SH3D19: variants seen among roughly 807,000 people sequenced by gnomAD.
The protein encoded by SH3D19 is SH3 domain-containing protein 19.
Under a neutral mutation model 112.1 loss-of-function variants are expected in SH3D19, and 58 were observed. The observed-to-expected ratio is 0.52, with a 90% CI of 0.42 to 0.64. The LOEUF is 0.64. SH3D19 is among the 30% of genes least tolerant of loss of function. The probability of loss-of-function intolerance (pLI) is 0.00; values close to 1 mark genes in which losing one functional copy is unlikely to be tolerated. For missense variants in SH3D19, 1,090 were observed against 1,263.4 expected, an observed-to-expected ratio of 0.86 and a Z score of 2.08; for synonymous variants, 391 against 448.5, an observed-to-expected ratio of 0.87 and a Z score of 1.62.
Position 151,325,374 on chromosome 4 carries a change from C to G in SH3D19, c.-22G>C. 1 of 1,163,574 alleles carries G rather than the reference C, an allele frequency of 8.6e-7. No individual in the cohort carries two copies. The highest frequency in any genetic ancestry group is 1.1e-6 in the Non-Finnish European group (1 of 933,714). The allele number at this position is 1,163,574 out of a possible 1,614,324, so 72.1% of individuals were successfully genotyped here. On this transcript the variant is annotated 5_prime_UTR_variant, in exon 1 of 20. Coordinates refer to ENST00000604030, the MANE Select transcript of SH3D19 (RefSeq NM_001378122.1). ...CCATGGGCGAGGCGCGGGGCGCAGC[C>G]GCGGGATGGCCAGCGAGCTGCGGCC...
chr4:151,209,216 A>G (rs1765584590), intron 2 of SH3D19, among the ~76,000 whole-genome samples: 1 of 151,952 alleles, frequency 6.6e-6, no homozygotes, highest in Non-Finnish European at 1.5e-5. Flanking sequence ...AGTACTTCAC[A>G]CACTATCCCA....
At chr4:151,236,166 C>T (rs1770020488) in intron 1 of SH3D19, among the ~76,000 whole-genome samples, 1 of 152,276 alleles carries the variant, frequency 6.6e-6, no homozygotes, top group South Asian at 2.1e-4. Context: ...GCCCTTCAGC[C>T]TGCCGCTGCG....
chr4:151,288,512 C>G (rs1218324072), intron 1 of SH3D19, among the ~76,000 whole-genome samples: 1 of 152,014 alleles, frequency 6.6e-6, no homozygotes, highest in Non-Finnish European at 1.5e-5. Context: ...TTTGGGAGGC[C>G]AAGGCAGGTG....
At chr4:151,283,385 A>T in intron 1 of SH3D19, 1 of 1,032,718 alleles carries the variant, frequency 9.7e-7, no homozygotes, top group South Asian at 1.5e-5. Flanking sequence ...GAGTCAGGAG[A>T]TGAGGGTTCT....
Position 151,231,831 on chromosome 4 carries a change from T to C in SH3D19, c.113-5745A>G, listed in dbSNP as rs141621271. 1.7e-4 allele frequency among the ~76,000 whole-genome samples: 26 copies of C among 152,294 alleles called. No individual in the cohort carries two copies. In the East Asian group the frequency reaches 4.4e-3, roughly 26 times the overall value. On this transcript the variant is annotated intron_variant, in intron 1 of 19. Coordinates refer to ENST00000604030, the MANE Select transcript of SH3D19 (RefSeq NM_001378122.1). ...TTCATTAAAATTCATTAAAATGCAG[T>C]ACTCTAATTACCCAGGAAGGGAAGA...
In SH3D19 at chr4:151,144,507, C is replaced by T. The variant is rs530057473; in HGVS notation, c.2083-457G>A. ...AGTTAGGCCCATAGAACCACAAGAG[C>T]TAAACATGGCCTAACATTCCCTTAA... On this transcript the variant is annotated intron_variant, in intron 11 of 19. Transcript: ENST00000604030. 30 of 548,724 alleles carry T rather than the reference C, an allele frequency of 5.5e-5. No individual in the cohort carries two copies. The South Asian group carries it at 6.7e-4, about 12-fold the overall frequency. The allele number at this position is 548,724 out of a possible 1,614,324, so 34.0% of individuals were successfully genotyped here. A position where few individuals can be genotyped will look rare whatever the true frequency, so the allele number is the denominator to read the frequency against.
intron 12 of SH3D19, among the ~76,000 whole-genome samples, chr4:151,143,372 A>G (rs1054487313): frequency 1.3e-5 from 2 of 152,202 alleles, no homozygotes; most frequent in Non-Finnish European, 2.9e-5. Flanking sequence ...TGCCGTACCA[A>G]AACAGAGAAA....
At chr4:151,148,276 C>T in intron 10 of SH3D19, 90 bp from the exon 11 acceptor site, 1 of 638,904 alleles carries the variant, frequency 1.6e-6, no homozygotes, top group Non-Finnish European at 2.4e-6. Context: ...CACACACACA[C>T]ACACACACAC....
chr4:151,236,982 C>T (rs1178026573), intron 1 of SH3D19, among the ~76,000 whole-genome samples: 1 of 152,208 alleles, frequency 6.6e-6, no homozygotes, highest in Non-Finnish European at 1.5e-5. Flanking sequence ...GCCACCCAAG[C>T]CAGCAGCAGC....
chr4:151,231,651 G>C (rs1769617519), intron 1 of SH3D19, among the ~76,000 whole-genome samples: 1 of 152,150 alleles, frequency 6.6e-6, no homozygotes, highest in Admixed American at 6.5e-5. Context: ...AGAAATTAAA[G>C]AGGGTCTCTG....
At chr4:151,207,803 G>A (rs1175526308) in intron 2 of SH3D19, among the ~76,000 whole-genome samples, 1 of 152,212 alleles carries the variant, frequency 6.6e-6, no homozygotes, top group Non-Finnish European at 1.5e-5. Context: ...ACCCTGGCTT[G>A]AGTTGAGAGA....
intron 2 of SH3D19, among the ~76,000 whole-genome samples, chr4:151,209,963 C>G (rs1418075778): frequency 6.6e-6 from 1 of 152,148 alleles, no homozygotes; most frequent in Non-Finnish European, 1.5e-5. Context: ...AAACAATATT[C>G]TTATTGGACA....
chr4:151,152,278 C>T (rs1304079829), intron 9 of SH3D19, among the ~76,000 whole-genome samples: 5 of 152,122 alleles, frequency 3.3e-5, no homozygotes, highest in Admixed American at 1.3e-4. Context: ...ACTTCCTCCT[C>T]GTGGGTATTC....
intron 1 of SH3D19, among the ~76,000 whole-genome samples, chr4:151,239,242 C>T (rs191043251): frequency 1.3e-5 from 2 of 152,306 alleles, no homozygotes; most frequent in Admixed American, 6.5e-5. Flanking sequence ...GCTTCCACTA[C>T]GATAAGGTTC....
At chr4:151,269,992 A>G (rs1241174830) in intron 1 of SH3D19, among the ~76,000 whole-genome samples, 1 of 152,082 alleles carries the variant, frequency 6.6e-6, no homozygotes, top group Non-Finnish European at 1.5e-5. Flanking sequence ...GCTGTCATCT[A>G]CTATGATAAC....
At chr4:151,211,446 G>A (rs532701179) in intron 2 of SH3D19, among the ~76,000 whole-genome samples, 9 of 152,156 alleles carry the variant, frequency 5.9e-5, no homozygotes, top group Non-Finnish European at 1.0e-4. Context: ...TCAAGTGAAA[G>A]GAAGAATTGC....
intron 1 of SH3D19, chr4:151,277,333 C>G (rs1773730384): frequency 1.2e-6 from 1 of 847,988 alleles, no homozygotes; most frequent in Non-Finnish European, 1.6e-6. Context: ...TTATGAGTAG[C>G]ACAGCCTGAG....
At chr4:151,311,408 A>G (rs548607968) in intron 1 of SH3D19, among the ~76,000 whole-genome samples, 10 of 152,078 alleles carry the variant, frequency 6.6e-5, no homozygotes, top group East Asian at 3.9e-4. Context: ...GAAAAAAAAG[A>G]AGGAGGAAAT....
intron 1 of SH3D19, among the ~76,000 whole-genome samples, chr4:151,289,954 C>A (rs999603786): frequency 2.6e-5 from 4 of 152,124 alleles, no homozygotes; most frequent in Admixed American, 2.0e-4. Context: ...GTGTTCACAG[C>A]AGCATGATTA....
Sources: allele counts gnomAD v4.1 joint callset (sites outside exome capture counted in the v4.1 genomes callset), GRCh38; gene constraint gnomAD v4.1.1; transcripts MANE v1.5; gene names NCBI Gene and HGNC (gene_info 2026-07-23, HGNC 2026-07-21).